MFHAS1: variants seen among roughly 807,000 people sequenced by gnomAD.
The protein encoded by MFHAS1 is multifunctional ROCO family signaling regulator 1.
Under a neutral mutation model 70.4 loss-of-function variants are expected in MFHAS1, and 50 were observed. The ratio of observed to expected loss-of-function variants is 0.71; its 90% confidence interval spans 0.57 to 0.90. The LOEUF is 0.90. Ranked by LOEUF, MFHAS1 falls within the 40% of genes least tolerant of loss-of-function variation. MFHAS1 has a pLI of 0.00. For synonymous variants in MFHAS1, 952 were observed against 620.0 expected (o/e 1.54, Z -7.96); for missense variants, 1,795 against 1,347.6 (o/e 1.33, Z -5.20).
chr8:8,826,504 G>A (rs1335912565), intron 1 of MFHAS1, among the ~76,000 whole-genome samples: 1 of 152,180 alleles, frequency 6.6e-6, no homozygotes, highest in Non-Finnish European at 1.5e-5. Flanking sequence ...AGACCCAGGA[G>A]GGTAGATCAC....
At chr8:8,834,985 T>C (rs1807545207) in intron 1 of MFHAS1, among the ~76,000 whole-genome samples, 1 of 152,136 alleles carries the variant, frequency 6.6e-6, no homozygotes, top group Non-Finnish European at 1.5e-5. Context: ...TTCAACACCA[T>C]AAAAAATTAT....
At chr8:8,799,700 G>A (rs1398099333) in intron 1 of MFHAS1, among the ~76,000 whole-genome samples, 1 of 152,210 alleles carries the variant, frequency 6.6e-6, no homozygotes. Context: ...AGGTTTCAGT[G>A]AGCTGAGATC....
chr8:8,842,274 C>T (rs994067730), intron 1 of MFHAS1, among the ~76,000 whole-genome samples: 14 of 152,098 alleles, frequency 9.2e-5, no homozygotes, highest in South Asian at 4.2e-4. Context: ...CAACCTCTGC[C>T]TCCCAGGTTC....
intron 1 of MFHAS1, among the ~76,000 whole-genome samples, chr8:8,832,425 TCA>T (rs35913215): frequency 5.6e-5 from 8 of 143,698 alleles, no homozygotes; most frequent in African/African-American, 1.3e-4. Flanking sequence ...ACAAGATACT[TCA>T]CACACACACA....
At chr8:8,819,918 A>C (rs977516279) in intron 1 of MFHAS1, among the ~76,000 whole-genome samples, 8 of 152,126 alleles carry the variant, frequency 5.3e-5, no homozygotes. Flanking sequence ...GGCTGGTCTC[A>C]AACTCCTGAG....
At chr8:8,849,269 C>T (rs1306916102) in intron 1 of MFHAS1, among the ~76,000 whole-genome samples, 1 of 151,904 alleles carries the variant, frequency 6.6e-6, no homozygotes, top group East Asian at 1.9e-4. Context: ...TTAATAGAGA[C>T]AGGGTTTTGC....
intron 2 of MFHAS1, among the ~76,000 whole-genome samples, chr8:8,792,474 C>T (rs947085107): frequency 9.2e-5 from 14 of 151,950 alleles, no homozygotes; most frequent in Non-Finnish European, 1.6e-4. Context: ...GGTGCAGTGG[C>T]GTGTGCCTAT....
chr8:8,844,783 G>A (rs1481326275), intron 1 of MFHAS1, among the ~76,000 whole-genome samples: 2 of 152,198 alleles, frequency 1.3e-5, no homozygotes, highest in Non-Finnish European at 2.9e-5. Context: ...TCCTAGAGAG[G>A]AGGGGTGTTA....
chr8:8,889,472 A>G (rs1054223112), intron 1 of MFHAS1, among the ~76,000 whole-genome samples: 2 of 152,238 alleles, frequency 1.3e-5, no homozygotes, highest in Non-Finnish European at 2.9e-5. Flanking sequence ...TTCTAATTAC[A>G]TTCTGAATGT....
At chr8:8,853,911 C>A (rs1460155825) in intron 1 of MFHAS1, among the ~76,000 whole-genome samples, 1 of 152,194 alleles carries the variant, frequency 6.6e-6, no homozygotes, top group Non-Finnish European at 1.5e-5. Context: ...ATGGTCCATA[C>A]TCACTAACAC....
chr8:8,822,375 T>C (rs1399053627), intron 1 of MFHAS1, among the ~76,000 whole-genome samples: 3 of 151,502 alleles, frequency 2.0e-5, no homozygotes, highest in Admixed American at 6.6e-5. Context: ...CCATGCCTGA[T>C]GCAGAGGGAC....
chr8:8,795,955 G>A (rs1375871117), intron 2 of MFHAS1, among the ~76,000 whole-genome samples: 1 of 152,198 alleles, frequency 6.6e-6, no homozygotes, highest in Non-Finnish European at 1.5e-5. Context: ...TACTATGCTG[G>A]AGAAATCATG....
At chr8:8,884,538 CAGTCA>C (rs1227378873) in intron 1 of MFHAS1, among the ~76,000 whole-genome samples, 1 of 152,114 alleles carries the variant, frequency 6.6e-6, no homozygotes, top group African/African-American at 2.4e-5. Context: ...AGGGTAAGAC[CAGTCA>C]TAGACGCACA....
intron 1 of MFHAS1, among the ~76,000 whole-genome samples, chr8:8,829,990 T>C (rs1200810316): frequency 6.6e-6 from 1 of 152,120 alleles, no homozygotes; most frequent in Non-Finnish European, 1.5e-5. Flanking sequence ...TGTGCCTGCT[T>C]CGGCAGGTCT....
chr8:8,846,833 C>T (rs1265817957), intron 1 of MFHAS1, among the ~76,000 whole-genome samples: 1 of 152,122 alleles, frequency 6.6e-6, no homozygotes, highest in Non-Finnish European at 1.5e-5. Flanking sequence ...ACCCACCCCG[C>T]CCATCATTCT....
intron 2 of MFHAS1, among the ~76,000 whole-genome samples, chr8:8,792,228 C>A (rs1805742113): frequency 6.6e-6 from 1 of 151,918 alleles, no homozygotes; most frequent in Non-Finnish European, 1.5e-5. Flanking sequence ...AGGAGTGAGA[C>A]TCTGTCCCAA....
At chr8:8,848,468 G>T (rs745360473) in intron 1 of MFHAS1, among the ~76,000 whole-genome samples, 1 of 151,240 alleles carries the variant, frequency 6.6e-6, no homozygotes, top group Non-Finnish European at 1.5e-5. Flanking sequence ...AGGAATAAAA[G>T]TGAAAGCCAT....
Position 8,890,746 on chromosome 8 carries a change from C to T in MFHAS1, c.2313G>A (p.Ala771=), listed in dbSNP as rs1269510087. 5.6e-6 allele frequency: 9 copies of T among 1,613,522 alleles called. No homozygotes were observed. The highest frequency in any genetic ancestry group is 3.3e-5 in the Admixed American group (2 of 59,974). The change falls in exon 1 of 3, where the codon GCG becomes GCA. Residue 771 remains alanine, a synonymous_variant. Coordinates refer to ENST00000276282, the MANE Select transcript of MFHAS1 (RefSeq NM_004225.3). ...KAEGESSPPM[A]RSTPSQELLR... ...GCAGTTCCTGGCTGGGGGTGGACCGCGCCATGGGCGGGGAGCTTTCCCCCT... is the reference window on the plus strand; with the variant it reads ...GCAGTTCCTGGCTGGGGGTGGACCGTGCCATGGGCGGGGAGCTTTCCCCCT...
intron 2 of MFHAS1, among the ~76,000 whole-genome samples, chr8:8,786,495 C>G (rs1257326235): frequency 6.6e-6 from 1 of 152,118 alleles, no homozygotes; most frequent in African/African-American, 2.4e-5. Context: ...GTCTGTCTGC[C>G]TAAAATGCAT....
Sources: gnomAD v4.1 joint callset for allele counts (sites outside exome capture counted in the v4.1 genomes callset) on GRCh38, gnomAD v4.1.1 for gene constraint, MANE v1.5 for transcripts, NCBI Gene and HGNC (gene_info 2026-07-23, HGNC 2026-07-21) for gene names.